Variants in THSD4 observed in about 807,000 individuals in gnomAD.
THSD4 encodes the protein thrombospondin type 1 domain containing 4, also known as thrombospondin type-1 domain-containing protein 4.
In THSD4, 69 loss-of-function variants were observed where a neutral mutation model predicts 119.0. The ratio of observed to expected loss-of-function variants is 0.58; its 90% confidence interval spans 0.48 to 0.71. THSD4 has a LOEUF of 0.71. Ranked by LOEUF, THSD4 falls within the 30% of genes least tolerant of loss-of-function variation. The pLI, the probability that THSD4 is intolerant of heterozygous loss-of-function variation, is 0.00. For synonymous variants in THSD4, 524 were observed against 540.4 expected (o/e 0.97, Z 0.42); for missense variants, 1,393 against 1,391.1 (o/e 1.00, Z -0.02).
chr15:71,744,770 C>T (rs2053302459), intron 11 of THSD4, among the ~76,000 whole-genome samples: 1 of 152,166 alleles, frequency 6.6e-6, no homozygotes, highest in Non-Finnish European at 1.5e-5. Flanking sequence ...TAATCATTCC[C>T]CTGCCTAGGG....
rs1555411744 is a variant in THSD4 at position 71,416,695 on chromosome 15, C to CATTTCATTTTATTTTATTTT, written c.1152+4876_1152+4877insCATTTTATTTTATTTTATTT. On this transcript the variant is annotated intron_variant, in intron 7 of 17. Transcript: ENST00000261862. ...CCATTTTATTTATTTTATTTTGTTTCATTTTATTTTATTTTATTTTGTTTT... is the reference window on the plus strand; with the variant it reads ...CCATTTTATTTATTTTATTTTGTTTCATTTCATTTTATTTTATTTTATTTTATTTTATTTTATTTTGTTTT... Among the ~76,000 whole-genome samples, 28 of 96,604 alleles carry CATTTCATTTTATTTTATTTT rather than the reference C, an allele frequency of 2.9e-4. 6 individuals carry two copies. Among genetic ancestry groups the CATTTCATTTTATTTTATTTT allele is most frequent in the African/African-American group, 8.2e-4 (22 of 26,940 alleles). The allele number at this position is 96,604 out of a possible 152,430, so 63.4% of individuals were successfully genotyped here. A position where few individuals can be genotyped will look rare whatever the true frequency, so the allele number is the denominator to read the frequency against.
intron 8 of THSD4, among the ~76,000 whole-genome samples, chr15:71,668,752 C>G (rs1355527917): frequency 1.3e-5 from 2 of 152,178 alleles, no homozygotes; most frequent in Non-Finnish European, 2.9e-5. Context: ...ACAGGGTTCT[C>G]AGGAAACCTT....
intron 7 of THSD4, among the ~76,000 whole-genome samples, chr15:71,524,112 A>G (rs2048481279): frequency 6.6e-6 from 1 of 152,180 alleles, no homozygotes; most frequent in African/African-American, 2.4e-5. Context: ...ATACTGCTCG[A>G]TGGCATCCAC....
Position 71,699,174 on chromosome 15 carries a change from A to C in THSD4, c.1358-29375A>C, listed in dbSNP as rs569780978. On this transcript the variant is annotated intron_variant, in intron 8 of 17. Coordinates refer to ENST00000261862, the MANE Select transcript of THSD4 (RefSeq NM_024817.3). ...AGATTGTGGTGATGTCACAGTCTCT[A>C]AAACTTATCAAGGTGTATACATTAA... 6.6e-5 allele frequency among the ~76,000 whole-genome samples: 10 copies of C among 152,214 alleles called. No individual in the cohort carries two copies. The East Asian group carries it at 7.7e-4, about 12-fold the overall frequency.
intron 1 of THSD4, among the ~76,000 whole-genome samples, chr15:71,131,264 T>C (rs540644825): frequency 1.3e-5 from 2 of 152,218 alleles, no homozygotes; most frequent in South Asian, 4.1e-4. Flanking sequence ...ATGGAAATAA[T>C]TGATTTAAAG....
chr15:71,624,217 C>T (rs1285427239), intron 7 of THSD4, among the ~76,000 whole-genome samples: 1 of 152,316 alleles, frequency 6.6e-6, no homozygotes, highest in Middle Eastern at 3.4e-3. Context: ...GCCCCTCCAT[C>T]ACCCAATCAG....
At chr15:71,374,880 C>A (rs1313534596) in intron 6 of THSD4, among the ~76,000 whole-genome samples, 1 of 152,164 alleles carries the variant, frequency 6.6e-6, no homozygotes, top group Non-Finnish European at 1.5e-5. Context: ...CATTAATCAC[C>A]ATGCACAGAC....
intron 6 of THSD4, among the ~76,000 whole-genome samples, chr15:71,287,046 A>G (rs2044727103): frequency 3.3e-5 from 5 of 152,222 alleles, no homozygotes; most frequent in Non-Finnish European, 7.3e-5. Flanking sequence ...TCAAATTTTC[A>G]GTCTTTAACA....
At chr15:71,253,184 C>T (rs1048698278) in intron 5 of THSD4, among the ~76,000 whole-genome samples, 1 of 152,144 alleles carries the variant, frequency 6.6e-6, no homozygotes, top group African/African-American at 2.4e-5. Context: ...AGCTTTTCTG[C>T]CTTAGATGGG....
intron 7 of THSD4, among the ~76,000 whole-genome samples, chr15:71,449,411 G>A (rs2047233032): frequency 6.6e-6 from 1 of 152,078 alleles, no homozygotes; most frequent in Admixed American, 6.6e-5. Flanking sequence ...TTGCTGTCTG[G>A]GTTCCATCAC....
intron 6 of THSD4, among the ~76,000 whole-genome samples, chr15:71,339,765 T>A (rs1214987152): frequency 6.6e-6 from 1 of 151,940 alleles, no homozygotes; most frequent in African/African-American, 2.4e-5. Context: ...CTCAGTAAGT[T>A]TTAACTTTTT....
At chr15:71,140,982 C>T (rs186268430) in intron 1 of THSD4, among the ~76,000 whole-genome samples, 135 of 152,324 alleles carry the variant, frequency 8.9e-4, no homozygotes, top group African/African-American at 3.1e-3. Flanking sequence ...ACTCTTTTCA[C>T]TTAATATAAT....
chr15:71,567,604 AC>A (rs2049267840), intron 7 of THSD4, among the ~76,000 whole-genome samples: 1 of 118,384 alleles, frequency 8.4e-6, no homozygotes. Context: ...ACACCCCCCC[AC>A]ACACACACAC....
chr15:71,381,138 C>T (rs2046223001), intron 6 of THSD4, among the ~76,000 whole-genome samples: 1 of 152,104 alleles, frequency 6.6e-6, no homozygotes, highest in Non-Finnish European at 1.5e-5. Flanking sequence ...TTGCCTACTG[C>T]TTGATGAGTT....
chr15:71,625,637 G>A (rs772594625), intron 7 of THSD4, among the ~76,000 whole-genome samples: 19 of 152,296 alleles, frequency 1.2e-4, no homozygotes, highest in Non-Finnish European at 2.2e-4. Context: ...TGTTTATCTT[G>A]ACAAATAGCA....
At chr15:71,561,129 C>A (rs957159704) in intron 7 of THSD4, among the ~76,000 whole-genome samples, 81 of 152,194 alleles carry the variant, frequency 5.3e-4, no homozygotes, top group African/African-American at 1.7e-3. Context: ...CGCCTGCCAC[C>A]ACACCCGGCT....
intron 7 of THSD4, among the ~76,000 whole-genome samples, chr15:71,575,164 G>C (rs926279641): frequency 6.6e-6 from 1 of 152,110 alleles, no homozygotes; most frequent in Non-Finnish European, 1.5e-5. Flanking sequence ...CTAAAGCTGG[G>C]CTTGTTTGGT....
chr15:71,263,474 A>T (rs2044427460), intron 6 of THSD4, among the ~76,000 whole-genome samples: 1 of 152,072 alleles, frequency 6.6e-6, no homozygotes, highest in South Asian at 2.1e-4. Flanking sequence ...GTGTCTTTAT[A>T]ATAGAATGAT....
intron 7 of THSD4, among the ~76,000 whole-genome samples, chr15:71,621,681 T>G (rs1346402494): frequency 6.6e-6 from 1 of 152,246 alleles, no homozygotes; most frequent in Non-Finnish European, 1.5e-5. Context: ...GAAAATAATT[T>G]CATATTCATT....
Sources: gnomAD v4.1 joint callset for allele counts (sites outside exome capture counted in the v4.1 genomes callset) on GRCh38, gnomAD v4.1.1 for gene constraint, MANE v1.5 for transcripts, NCBI Gene and HGNC (gene_info 2026-07-23, HGNC 2026-07-21) for gene names.